Variants in KIF13A observed in about 807,000 individuals in gnomAD.
KIF13A encodes the protein kinesin-like protein KIF13A.
Under a neutral mutation model 212.2 loss-of-function variants are expected in KIF13A, and 79 were observed. That is an observed-to-expected ratio of 0.37 (90% CI 0.31 to 0.45). KIF13A has a LOEUF of 0.45. KIF13A is among the 20% of genes least tolerant of loss of function. KIF13A has a pLI of 1.00. For synonymous variants in KIF13A, 789 were observed against 808.6 expected (o/e 0.98, Z 0.41); for missense variants, 1,901 against 2,209.0 (o/e 0.86, Z 2.79).
Position 17,828,342 on chromosome 6 carries a change from G to A in KIF13A, c.1430C>T (p.Ser477Phe). 6.2e-7 allele frequency: 1 copy of A among 1,611,800 alleles called. No individual in the cohort carries two copies. The highest frequency in any genetic ancestry group is 2.2e-5 in the East Asian group (1 of 44,834). Residue 477 changes from serine to phenylalanine, a missense_variant, in exon 14 of 39, where the codon TCT becomes TTT. Coordinates refer to ENST00000259711, the MANE Select transcript of KIF13A (RefSeq NM_022113.6). This position sits in a 1 kb window ranked among gnomAD's most constrained non-coding sequence, Gnocchi z 4.3. ...KDHTRVGADTSQDIQLFGIGI... is the reference protein window; with the variant it reads ...KDHTRVGADTFQDIQLFGIGI... ...TATGCCAAAAAGCTGGATATCTTGAGAGGTATCTGCACCCACCCTGGTGTG... is the reference window on the plus strand; with the variant it reads ...TATGCCAAAAAGCTGGATATCTTGAAAGGTATCTGCACCCACCCTGGTGTG...
Position 17,828,363 on chromosome 6 carries a change from G to A in KIF13A, c.1409C>T (p.Thr470Ile). The change falls in exon 14 of 39, where the codon ACC (threonine) becomes ATC (isoleucine). Residue 470 changes from threonine to isoleucine, a missense_variant. Thr to Ile is a moderately conservative substitution (Grantham distance 89, BLOSUM62 -1). This residue lies in a region of KIF13A where 506 missense variants were observed against 637.4 expected (regional missense o/e 0.79). Coordinates refer to ENST00000259711, the MANE Select transcript of KIF13A (RefSeq NM_022113.6). This position sits in a 1 kb window ranked among gnomAD's most constrained non-coding sequence, Gnocchi z 4.3. ...TTGAGAGGTATCTGCACCCACCCTG[G>A]TGTGATCCTAGTAAAAGATTATTAA... ...ELLVYYLKDH[T>I]RVGADTSQDI... 1 of 1,608,958 alleles carries A rather than the reference G, an allele frequency of 6.2e-7. No homozygotes were observed. The highest frequency in any genetic ancestry group is 8.5e-7 in the Non-Finnish European group (1 of 1,177,874).
At chr6:17,885,005 C>T in intron 3 of KIF13A, among the ~76,000 whole-genome samples, 1 of 152,160 alleles carries the variant, frequency 6.6e-6, no homozygotes, top group Non-Finnish European at 1.5e-5. Flanking sequence ...CTGAGTCATA[C>T]CAAGTAAAGT....
Position 17,763,858 on chromosome 6 carries a change from T to C in KIF13A, c.*252A>G, listed in dbSNP as rs1758711594. On this transcript the variant is annotated 3_prime_UTR_variant, in exon 39 of 39. Transcript: ENST00000259711. ...AACATCCCAGGGAATGAATATGAGA[T>C]TGATCCTTATCCATCTGAACACTTC... is the stretch of plus-strand genomic sequence containing the variant. 3 of 1,327,526 alleles carry C rather than the reference T, an allele frequency of 2.3e-6. No individual in the cohort carries two copies. Among genetic ancestry groups the C allele is most frequent in the Non-Finnish European group, 2.9e-6 (3 of 1,039,506 alleles). 82.2% of individuals were successfully genotyped at this position (1,327,526 alleles called of 1,614,324 possible).
chr6:17,974,883 A>T (rs1780155624), intron 2 of KIF13A, among the ~76,000 whole-genome samples: 1 of 152,232 alleles, frequency 6.6e-6, no homozygotes, highest in Non-Finnish European at 1.5e-5. Flanking sequence ...ACCACATGTC[A>T]AGTATTCAAT....
rs1759227224 is a variant in KIF13A at position 17,768,584 on chromosome 6, C to G, written c.4581+2530G>C. Among the ~76,000 whole-genome samples the G allele has an allele frequency of 6.6e-6, 1 of 152,192 alleles. No homozygotes were observed. The highest frequency in any genetic ancestry group is 1.5e-5 in the Non-Finnish European group (1 of 68,028). ...ATCTGAAGAGCAGCTGCAGGGCATACTGGAATTGCACTATATTTGAAAGCA... is the reference window on the plus strand; with the variant it reads ...ATCTGAAGAGCAGCTGCAGGGCATAGTGGAATTGCACTATATTTGAAAGCA... On this transcript the variant is annotated intron_variant, in intron 38 of 38. Transcript: ENST00000259711. This position sits in a 1 kb window ranked among gnomAD's most constrained non-coding sequence, Gnocchi z 5.4.
In KIF13A at chr6:17,811,176, T is replaced by C. The variant is rs1287770089; in HGVS notation, c.2001-2246A>G. Reference sequence around the variant, plus strand: ...CAATCCTTCTCCCTGAAAACCTCTGTAGAAGACTCAGCTTCATTAAGTCTC... The same window carrying C: ...CAATCCTTCTCCCTGAAAACCTCTGCAGAAGACTCAGCTTCATTAAGTCTC... On this transcript the variant is annotated intron_variant, in intron 17 of 38. Transcript: ENST00000259711. This position sits in a 1 kb window ranked among gnomAD's most constrained non-coding sequence, Gnocchi z 6.0. Among the ~76,000 whole-genome samples, 1 of 152,238 alleles carries C rather than the reference T, an allele frequency of 6.6e-6. No homozygotes were observed. Among genetic ancestry groups the C allele is most frequent in the Non-Finnish European group, 1.5e-5 (1 of 68,048 alleles).
chr6:17,920,166 T>C (rs1774926387), intron 2 of KIF13A, among the ~76,000 whole-genome samples: 1 of 152,070 alleles, frequency 6.6e-6, no homozygotes. Flanking sequence ...GAAGAAAACA[T>C]ACTCCAATGA....
chr6:17,900,033 C>T lies in KIF13A; in HGVS notation c.147-1853G>A, dbSNP rs187499140. Among the ~76,000 whole-genome samples, 249 of 152,252 alleles carry T rather than the reference C, an allele frequency of 1.6e-3. 2 individuals carry two copies. Among genetic ancestry groups the T allele is most frequent in the African/African-American group, 5.5e-3 (228 of 41,542 alleles). The stretch of plus-strand genomic sequence containing the variant: ...TTTGCTTGCTTTATTCTTTAAAAGC[C>T]ATGAAAATCACTGCTTTATTTAAAA... On this transcript the variant is annotated intron_variant, in intron 2 of 38. Transcript: ENST00000259711. The surrounding 1 kb of genome is among the most constrained non-coding windows in gnomAD (Gnocchi z 4.6).
rs1263769702 is a variant in KIF13A, at chr6:17,971,642, C to T, written c.146+15412G>A. 2.0e-5 allele frequency among the ~76,000 whole-genome samples: 3 copies of T among 152,108 alleles called. No homozygotes were observed. Among genetic ancestry groups the T allele is most frequent in the African/African-American group, 7.2e-5 (3 of 41,398 alleles). On this transcript the variant is annotated intron_variant, in intron 2 of 38. Coordinates refer to ENST00000259711, the MANE Select transcript of KIF13A (RefSeq NM_022113.6). The surrounding 1 kb of genome is among the most constrained non-coding windows in gnomAD (Gnocchi z 4.2). ...GTTTTGTCATGTTGCCCAGGCTGGTCTCAAGCTCCTGGGCCCAAGCGATCC... is the reference window on the plus strand; with the variant it reads ...GTTTTGTCATGTTGCCCAGGCTGGTTTCAAGCTCCTGGGCCCAAGCGATCC...
chr6:17,823,769 A>ATTTCTG (rs1764683056), intron 16 of KIF13A, among the ~76,000 whole-genome samples: 1 of 150,040 alleles, frequency 6.7e-6, no homozygotes, highest in Non-Finnish European at 1.5e-5. Flanking sequence ...TGCCTGGCTA[A>ATTTCTG]TTTCTGTATT....
At position 17,785,446 on chromosome 6, in the gene KIF13A, T is replaced by G. The variant is rs764691773; in HGVS notation, c.3488+69A>C. 2.4e-4 allele frequency: 344 copies of G among 1,429,944 alleles called. No individual in the cohort carries two copies. Among genetic ancestry groups the G allele is most frequent in the Non-Finnish European group, 3.0e-4 (322 of 1,088,784 alleles). 88.6% of individuals were successfully genotyped at this position (1,429,944 alleles called of 1,614,324 possible). A position where few individuals can be genotyped will look rare whatever the true frequency, so the allele number is the denominator to read the frequency against. On this transcript the variant is annotated intron_variant, in intron 28 of 38. Coordinates refer to ENST00000259711, the MANE Select transcript of KIF13A (RefSeq NM_022113.6). This position sits in a 1 kb window ranked among gnomAD's most constrained non-coding sequence, Gnocchi z 5.8. The stretch of plus-strand genomic sequence containing the variant: ...TCTGTGACAATCCTGGAAAGTCTCT[T>G]GCATGGCTCTTGCCACAGGCGACCT...
rs904670125 is a variant in KIF13A at position 17,961,987 on chromosome 6, A to G, written c.146+25067T>C. Among the ~76,000 whole-genome samples, 2 of 152,236 alleles carry G rather than the reference A, an allele frequency of 1.3e-5. No homozygotes were observed. Among genetic ancestry groups the G allele is most frequent in the Admixed American group, 6.5e-5 (1 of 15,284 alleles). ...ATGGTTTTTCTTTTGTGTGGCACCTACATACCAATGTGTCTTATAATTGAT... is the reference window on the plus strand; with the variant it reads ...ATGGTTTTTCTTTTGTGTGGCACCTGCATACCAATGTGTCTTATAATTGAT... On this transcript the variant is annotated intron_variant, in intron 2 of 38. Transcript: ENST00000259711. The surrounding 1 kb of genome is among the most constrained non-coding windows in gnomAD (Gnocchi z 4.1).
intron 2 of KIF13A, among the ~76,000 whole-genome samples, chr6:17,936,675 G>A (rs1367867142): frequency 6.6e-6 from 1 of 152,172 alleles, no homozygotes; most frequent in East Asian, 1.9e-4. Context: ...CTAGGTCATA[G>A]ATGAGGTTCA....
intron 4 of KIF13A, among the ~76,000 whole-genome samples, chr6:17,869,509 G>C (rs1769800057): frequency 6.6e-6 from 1 of 152,118 alleles, no homozygotes; most frequent in Non-Finnish European, 1.5e-5. Context: ...GAAACAGAAG[G>C]ATCGTGAGAT....
chr6:17,930,839 T>C (rs147379567), intron 2 of KIF13A, among the ~76,000 whole-genome samples: 2 of 152,324 alleles, frequency 1.3e-5, no homozygotes, highest in East Asian at 1.9e-4. Context: ...TACAGACCAA[T>C]GTTCCCATTT....
chr6:17,942,795 T>C (rs1777061899), intron 2 of KIF13A, among the ~76,000 whole-genome samples: 2 of 152,056 alleles, frequency 1.3e-5, no homozygotes, highest in South Asian at 2.1e-4. Context: ...CTGGCCAACA[T>C]GGTGAAACCC....
chr6:17,859,337 T>C (rs1373956025), intron 4 of KIF13A, among the ~76,000 whole-genome samples: 3 of 151,832 alleles, frequency 2.0e-5, no homozygotes, highest in Non-Finnish European at 4.4e-5. Flanking sequence ...GCATGGTGGC[T>C]CACACCTGTA....
intron 2 of KIF13A, among the ~76,000 whole-genome samples, chr6:17,969,255 T>A (rs954293005): frequency 4.6e-5 from 7 of 152,226 alleles, no homozygotes. Flanking sequence ...TCACTGTCTT[T>A]ATTCAGAGCA....
chr6:17,985,474 T>C (rs1781461546), intron 2 of KIF13A, among the ~76,000 whole-genome samples: 1 of 152,290 alleles, frequency 6.6e-6, no homozygotes, highest in African/African-American at 2.4e-5. Context: ...ACAGTCGCAC[T>C]GCTTATGGTT....
Sources: gnomAD v4.1 joint callset for allele counts (sites outside exome capture counted in the v4.1 genomes callset) on GRCh38, gnomAD v4.1.1 for gene constraint, gnomAD v4.1.1 regional missense constraint, Gnocchi (gnomAD v3.1) non-coding constraint, MANE v1.5 for transcripts, NCBI Gene and HGNC (gene_info 2026-07-23, HGNC 2026-07-21) for gene names.